The following MDGA2 variants were observed in gnomAD, a reference collection of about 807,000 sequenced individuals.
The protein encoded by MDGA2 is MAM domain-containing glycosylphosphatidylinositol anchor protein 2.
Under a neutral mutation model 117.8 loss-of-function variants are expected in MDGA2, and 40 were observed. The ratio of observed to expected loss-of-function variants is 0.34; its 90% CI spans 0.26 to 0.44. MDGA2 has a LOEUF of 0.44. Ranked by LOEUF, MDGA2 falls within the 20% of genes least tolerant of loss-of-function variation. The probability of loss-of-function intolerance (pLI) is 1.00; values close to 1 mark genes in which losing one functional copy is unlikely to be tolerated. For missense variants in MDGA2, 1,123 were observed against 1,250.6 expected (o/e 0.90, Z 1.54); for synonymous variants, 452 against 439.0 (o/e 1.03, Z -0.37).
intron 7 of MDGA2, among the ~76,000 whole-genome samples, chr14:47,040,021 C>T (rs929611470): frequency 1.3e-5 from 2 of 151,918 alleles, no homozygotes; most frequent in Non-Finnish European, 2.9e-5. Context: ...ATGTTGTAAT[C>T]CTCAAATATA....
intron 10 of MDGA2, among the ~76,000 whole-genome samples, chr14:46,907,319 T>C (rs1451743651): frequency 3.3e-5 from 5 of 152,114 alleles, no homozygotes; most frequent in East Asian, 1.9e-4. Flanking sequence ...GGATTTTGCA[T>C]TTTCATCTTC....
intron 7 of MDGA2, among the ~76,000 whole-genome samples, chr14:47,037,246 A>C (rs1888888205): frequency 6.6e-6 from 1 of 152,260 alleles, no homozygotes; most frequent in African/African-American, 2.4e-5. Context: ...TGACAGGCAC[A>C]ATTAAGGATT....
chr14:47,518,087 G>A (rs959252924), intron 1 of MDGA2, among the ~76,000 whole-genome samples: 1 of 151,984 alleles, frequency 6.6e-6, no homozygotes, highest in African/African-American at 2.4e-5. Context: ...AGAGTGAAGA[G>A]GTATGGGTGT....
intron 1 of MDGA2, among the ~76,000 whole-genome samples, chr14:47,673,632 A>G (rs1385009228): frequency 1.2e-4 from 17 of 144,074 alleles, no homozygotes; most frequent in East Asian, 4.3e-4. Flanking sequence ...TATGACCTGG[A>G]TGTGTGTGTG....
At chr14:47,063,422 T>C (rs886725963) in intron 6 of MDGA2, among the ~76,000 whole-genome samples, 6 of 152,030 alleles carry the variant, frequency 3.9e-5, no homozygotes, top group Admixed American at 6.6e-5. Context: ...TATTCATATT[T>C]TCACAGGCAC....
At chr14:47,426,698 T>TTA (rs10640741) in intron 1 of MDGA2, among the ~76,000 whole-genome samples, 49,925 of 146,254 alleles carry the variant, frequency 0.34, 8,673 homozygotes, top group South Asian at 0.54. Context: ...TATATATCAT[T>TTA]TATATATATA....
At chr14:47,579,268 G>A (rs978397578) in intron 1 of MDGA2, among the ~76,000 whole-genome samples, 1 of 151,970 alleles carries the variant, frequency 6.6e-6, no homozygotes, top group Non-Finnish European at 1.5e-5. Context: ...AAGTGAGAAT[G>A]CCATATTTAT....
Position 47,369,753 on chromosome 14 carries a change from A to G in MDGA2, c.281-68203T>C, listed in dbSNP as rs557472266. The stretch of plus-strand genomic sequence containing the variant: ...GTTTAATAACTTTTTTAGATTAATC[A>G]TTTTTAAATGATTAATCATTAAAAA... On this transcript the variant is annotated intron_variant, in intron 1 of 16. Transcript: ENST00000399232. Among the ~76,000 whole-genome samples the G allele has an allele frequency of 4.7e-4, 71 of 152,168 alleles. 1 individual carries two copies. The highest frequency in any genetic ancestry group is 9.1e-4 in the Non-Finnish European group (62 of 67,984).
chr14:47,415,000 T>C (rs1337230385), intron 1 of MDGA2, among the ~76,000 whole-genome samples: 3 of 152,120 alleles, frequency 2.0e-5, no homozygotes, highest in East Asian at 1.9e-4. Context: ...ATATTTAATA[T>C]AAATTTGAGT....
chr14:47,170,378 T>G (rs949275643), intron 3 of MDGA2, among the ~76,000 whole-genome samples: 5 of 152,142 alleles, frequency 3.3e-5, no homozygotes, highest in African/African-American at 9.7e-5. Flanking sequence ...TTGTTATGAT[T>G]TGTCAGAGCC....
intron 7 of MDGA2, among the ~76,000 whole-genome samples, chr14:47,057,477 A>C (rs571469089): frequency 6.6e-6 from 1 of 152,262 alleles, no homozygotes; most frequent in African/African-American, 2.4e-5. Context: ...TAAATTAAAA[A>C]AAAAATACTC....
chr14:47,113,935 G>C (rs148798631), intron 5 of MDGA2, among the ~76,000 whole-genome samples: 187 of 152,066 alleles, frequency 1.2e-3, no homozygotes, highest in African/African-American at 4.0e-3. Flanking sequence ...AGAAATAAAG[G>C]GTATTCAGAT....
chr14:46,954,301 T>C (rs1885480080), intron 9 of MDGA2, among the ~76,000 whole-genome samples: 1 of 151,992 alleles, frequency 6.6e-6, no homozygotes, highest in Non-Finnish European at 1.5e-5. Flanking sequence ...ACAAAACTGT[T>C]CTATTCATCT....
intron 1 of MDGA2, among the ~76,000 whole-genome samples, chr14:47,327,092 A>G (rs1337572322): frequency 6.6e-6 from 1 of 152,178 alleles, no homozygotes; most frequent in African/African-American, 2.4e-5. Context: ...CCAGACATTT[A>G]GCTGATGAGG....
At chr14:47,478,376 A>G (rs1893885954) in intron 1 of MDGA2, among the ~76,000 whole-genome samples, 1 of 152,142 alleles carries the variant, frequency 6.6e-6, no homozygotes, top group Non-Finnish European at 1.5e-5. Context: ...ATTGTATTTG[A>G]AAATATTATT....
intron 2 of MDGA2, among the ~76,000 whole-genome samples, chr14:47,282,419 C>A (rs1888523489): frequency 6.6e-6 from 1 of 152,122 alleles, no homozygotes; most frequent in Non-Finnish European, 1.5e-5. Context: ...GTGGCTCACG[C>A]CTGTAATCCC....
intron 1 of MDGA2, among the ~76,000 whole-genome samples, chr14:47,332,518 C>A (rs2416048): frequency 0.21 from 32,545 of 151,788 alleles, 3,702 homozygotes; most frequent in Middle Eastern, 0.23. Flanking sequence ...CTTTGGTCAT[C>A]ATCAAGTCCT....
At chr14:46,902,172 A>G (rs966078023) in intron 10 of MDGA2, among the ~76,000 whole-genome samples, 12 of 152,214 alleles carry the variant, frequency 7.9e-5, no homozygotes, top group African/African-American at 2.9e-4. Flanking sequence ...ATCTATTTTT[A>G]GTTTAGTTGA....
chr14:47,082,336 A>T (rs1421089848), intron 6 of MDGA2, among the ~76,000 whole-genome samples: 5 of 151,078 alleles, frequency 3.3e-5, no homozygotes, highest in Non-Finnish European at 7.4e-5. Context: ...GGGAAGGAAA[A>T]AAAAAAAAAA....
Sources: allele counts gnomAD v4.1 joint callset (sites outside exome capture counted in the v4.1 genomes callset), GRCh38; gene constraint gnomAD v4.1.1; transcripts MANE v1.5; gene names NCBI Gene and HGNC (gene_info 2026-07-23, HGNC 2026-07-21).